The following DCUN1D4 variants were observed in gnomAD, a reference collection of about 807,000 sequenced individuals.
DCUN1D4 encodes the protein defective in cullin neddylation 1 domain containing 4.
DCUN1D4 carries 22 observed loss-of-function variants against 47.9 expected under a neutral mutation model. The observed-to-expected ratio is 0.46, with a 90% CI of 0.33 to 0.66. DCUN1D4 has a LOEUF of 0.66. Among genes scored for constraint, DCUN1D4 ranks in the 30% least tolerant of loss-of-function variants. DCUN1D4 has a pLI of 0.02. For synonymous variants in DCUN1D4, 121 were observed against 112.2 expected (o/e 1.08, Z -0.50); for missense variants, 301 against 340.8 (o/e 0.88, Z 0.92).
chr4:51,845,589 C>G (rs1474086373), intron 1 of DCUN1D4, among the ~76,000 whole-genome samples: 1 of 152,200 alleles, frequency 6.6e-6, no homozygotes, highest in African/African-American at 2.4e-5. Context: ...GTTCCCTTTA[C>G]TGTTTACAGG....
intron 5 of DCUN1D4, among the ~76,000 whole-genome samples, chr4:51,885,305 G>A (rs1391885978): frequency 6.6e-6 from 1 of 152,140 alleles, no homozygotes; most frequent in Non-Finnish European, 1.5e-5. Flanking sequence ...CATGGTGCAG[G>A]AGAGGCACAA....
In DCUN1D4 at chr4:51,890,226, G is replaced by A. The variant is rs184691837; in HGVS notation, c.415-1534G>A. On this transcript the variant is annotated intron_variant, in intron 6 of 10. Transcript: ENST00000334635. ...GTTTTTAATGGACATGTTGGCTCTC[G>A]GAGGCTCAGAAATCATTAAAAATGA... Among the ~76,000 whole-genome samples the A allele has an allele frequency of 5.9e-5, 9 of 152,076 alleles. No individual in the cohort carries two copies. In the East Asian group the frequency reaches 1.4e-3, roughly 23 times the overall value.
intron 5 of DCUN1D4, among the ~76,000 whole-genome samples, chr4:51,882,874 CTT>C (rs1342490594): frequency 1.3e-5 from 2 of 151,792 alleles, no homozygotes; most frequent in Non-Finnish European, 2.9e-5. Context: ...TACAAAGTAA[CTT>C]TCCCCCCCGG....
intron 3 of DCUN1D4, among the ~76,000 whole-genome samples, chr4:51,868,624 T>G (rs1726350809): frequency 6.6e-6 from 1 of 152,224 alleles, no homozygotes; most frequent in Non-Finnish European, 1.5e-5. Context: ...TCTTTGAGTC[T>G]CTTGGCCTAA....
intron 1 of DCUN1D4, chr4:51,844,927 C>T: frequency 1.0e-6 from 1 of 985,502 alleles, no homozygotes; most frequent in South Asian, 4.7e-5. Context: ...TGCGCGCTCT[C>T]GGGAGGCGGT....
intron 1 of DCUN1D4, among the ~76,000 whole-genome samples, chr4:51,844,152 G>A (rs1198253728): frequency 6.7e-6 from 1 of 150,254 alleles, no homozygotes; most frequent in Admixed American, 6.6e-5. Flanking sequence ...CGGGGAGGAA[G>A]GGGAGGTGGG....
intron 6 of DCUN1D4, among the ~76,000 whole-genome samples, chr4:51,889,636 CTT>C (rs1237152493): frequency 6.6e-6 from 1 of 151,838 alleles, no homozygotes; most frequent in Non-Finnish European, 1.5e-5. Context: ...ATTTTTAAAT[CTT>C]TTTGGTAGAG....
Position 51,891,754 on chromosome 4 carries a change from T to C in DCUN1D4, c.415-6T>C. 3 of 1,597,946 alleles carry C rather than the reference T, an allele frequency of 1.9e-6. No individual in the cohort carries two copies. Among genetic ancestry groups the C allele is most frequent in the Non-Finnish European group, 2.6e-6 (3 of 1,172,758 alleles). On this transcript the variant is annotated splice_region_variant and splice_polypyrimidine_tract_variant and intron_variant, in intron 6 of 10. Transcript: ENST00000334635. ...TTTTTTTTAATTGTGTATTTTTTTT[T>C]AACAGGTAGTTATGCTTGTCCTAGC... is the stretch of plus-strand genomic sequence containing the variant.
At chr4:51,865,818 G>T (rs1428187150) in intron 3 of DCUN1D4, among the ~76,000 whole-genome samples, 1 of 152,150 alleles carries the variant, frequency 6.6e-6, no homozygotes, top group Non-Finnish European at 1.5e-5. Context: ...ACACAACTTA[G>T]ATGTGCAGCA....
At chr4:51,880,077 T>C (rs554122399) in intron 5 of DCUN1D4, among the ~76,000 whole-genome samples, 1 of 152,346 alleles carries the variant, frequency 6.6e-6, no homozygotes, top group East Asian at 1.9e-4. Flanking sequence ...CCCCTTTTGC[T>C]ATAGCTTGTC....
intron 6 of DCUN1D4, among the ~76,000 whole-genome samples, chr4:51,891,102 A>G (rs1454246966): frequency 6.6e-6 from 1 of 152,270 alleles, no homozygotes; most frequent in Admixed American, 6.5e-5. Flanking sequence ...TAGTGAATTC[A>G]CAAACATTAA....
chr4:51,858,971 C>G (rs1006481011), intron 1 of DCUN1D4, among the ~76,000 whole-genome samples: 2 of 152,284 alleles, frequency 1.3e-5, no homozygotes, highest in Non-Finnish European at 2.9e-5. Context: ...GTATTGATAT[C>G]TGATAGGGCA....
intron 1 of DCUN1D4, among the ~76,000 whole-genome samples, chr4:51,844,204 G>T (rs938424497): frequency 2.0e-5 from 3 of 151,158 alleles, no homozygotes; most frequent in Non-Finnish European, 3.0e-5. Flanking sequence ...GATTCGGTCC[G>T]GAGCCGGGCT....
chr4:51,912,475 C>T (rs1733850865), intron 9 of DCUN1D4, among the ~76,000 whole-genome samples: 1 of 152,166 alleles, frequency 6.6e-6, no homozygotes, highest in Non-Finnish European at 1.5e-5. Context: ...CTTGTGTTTG[C>T]ATCCTCAAAA....
At chr4:51,884,062 A>G (rs1729095502) in intron 5 of DCUN1D4, among the ~76,000 whole-genome samples, 1 of 151,364 alleles carries the variant, frequency 6.6e-6, no homozygotes, top group South Asian at 2.1e-4. Flanking sequence ...AAGGGGACAA[A>G]ACCCCAGAAA....
At chr4:51,853,066 C>G (rs1322000190) in intron 1 of DCUN1D4, among the ~76,000 whole-genome samples, 1 of 152,060 alleles carries the variant, frequency 6.6e-6, no homozygotes, top group African/African-American at 2.4e-5. Flanking sequence ...CCCTTTGTAC[C>G]ATGTCACATT....
rs922663774 is a variant in DCUN1D4 at position 51,848,325 on chromosome 4, G to A, written c.25+5058G>A. 65 of 1,286,196 alleles carry A rather than the reference G, an allele frequency of 5.1e-5. No homozygotes were observed. In the African/African-American group the frequency reaches 6.1e-4, roughly 12 times the overall value. The allele number at this position is 1,286,196 out of a possible 1,614,324, so 79.7% of individuals were successfully genotyped here. On this transcript the variant is annotated intron_variant, in intron 1 of 10. Transcript: ENST00000334635. ...TGCACACGTCCGTTTCTGGTCTCTC[G>A]TGTCAGCGTCCTACCTGCACAAGGT...
At chr4:51,906,296 G>C (rs984249588) in intron 8 of DCUN1D4, among the ~76,000 whole-genome samples, 1 of 152,106 alleles carries the variant, frequency 6.6e-6, no homozygotes, top group Non-Finnish European at 1.5e-5. Flanking sequence ...CTGGTACACT[G>C]TCCTCTTCTC....
chr4:51,911,000 C>A, intron 8 of DCUN1D4, 70 bp from the exon 9 acceptor site: 1 of 1,418,524 alleles, frequency 7.0e-7, no homozygotes, highest in Non-Finnish European at 1.0e-6. Context: ...GAAGTGAATA[C>A]ACATTTGCAA....
Sources: allele counts gnomAD v4.1 joint callset (sites outside exome capture counted in the v4.1 genomes callset), GRCh38; gene constraint gnomAD v4.1.1; transcripts MANE v1.5; gene names NCBI Gene and HGNC (gene_info 2026-07-23, HGNC 2026-07-21).